The following ZNG1A variants were observed in gnomAD, a reference collection of about 807,000 sequenced individuals.
The protein encoded by ZNG1A is zinc-regulated GTPase metalloprotein activator 1A.
At chr9:135,315 G>T in the ZNG1A span, among the ~76,000 whole-genome samples, 3 of 144,328 alleles carry the variant, frequency 2.1e-5, no homozygotes, top group Non-Finnish European at 4.5e-5. Context: ...GGTTAAATAT[G>T]TCAGTAAATT....
At chr9:168,247 T>TTTTATTTA in the ZNG1A span, among the ~76,000 whole-genome samples, 2 of 141,988 alleles carry the variant, frequency 1.4e-5, no homozygotes, top group African/African-American at 5.6e-5. Flanking sequence ...CAGACTTATT[T>TTTTATTTA]TTTATTTATT....
chr9:158,945 A>C, the ZNG1A span, among the ~76,000 whole-genome samples: 1 of 152,140 alleles, frequency 6.6e-6, no homozygotes, highest in Admixed American at 6.5e-5. Context: ...AAAAAGTATA[A>C]AATCAATGTC....
chr9:169,880 T>TTA, the ZNG1A span, among the ~76,000 whole-genome samples: 1 of 71,330 alleles, frequency 1.4e-5, no homozygotes, highest in African/African-American at 4.8e-5. Context: ...TTTTTTTTTT[T>TTA]AAGAAATGGG....
the ZNG1A span, among the ~76,000 whole-genome samples, chr9:155,295 T>C: frequency 6.7e-6 from 1 of 150,308 alleles, no homozygotes; most frequent in Non-Finnish European, 1.5e-5. Flanking sequence ...TTTTTAAAAC[T>C]ATACTTCAGA....
chr9:127,593 G>C, the ZNG1A span, among the ~76,000 whole-genome samples: 11 of 152,194 alleles, frequency 7.2e-5, no homozygotes, highest in African/African-American at 2.7e-4. Context: ...TGAGACTCTT[G>C]AAGGCAACAG....
chr9:132,247 G>C, the ZNG1A span, among the ~76,000 whole-genome samples: 1 of 149,076 alleles, frequency 6.7e-6, no homozygotes, highest in Non-Finnish European at 1.5e-5. Flanking sequence ...ATTGAGGCCG[G>C]GCACAGTGGC....
the ZNG1A span, among the ~76,000 whole-genome samples, chr9:135,387 C>T: frequency 7.7e-5 from 9 of 116,768 alleles, no homozygotes; most frequent in East Asian, 2.2e-3. Flanking sequence ...TAGTATTGCT[C>T]AGAGTTCCTT....
At chr9:156,682 G>C in the ZNG1A span, among the ~76,000 whole-genome samples, 30 of 151,020 alleles carry the variant, frequency 2.0e-4, no homozygotes, top group Admixed American at 1.8e-3. Flanking sequence ...AACTTTTCTA[G>C]CTAAAAGCAT....
the ZNG1A span, among the ~76,000 whole-genome samples, chr9:126,768 G>C: frequency 6.6e-6 from 1 of 151,546 alleles, no homozygotes; most frequent in South Asian, 2.1e-4. Flanking sequence ...CTAGTTCCTT[G>C]AGGTGTGACC....
At chr9:121,070 A>G in the ZNG1A span, 1 of 177,200 alleles carries the variant, frequency 5.6e-6, no homozygotes, top group East Asian at 1.6e-4. Flanking sequence ...ATTTCATGTC[A>G]TAAAATGGTG....
At chr9:170,335 TTGTG>T in the ZNG1A span, among the ~76,000 whole-genome samples, 3 of 146,566 alleles carry the variant, frequency 2.0e-5, no homozygotes, top group Non-Finnish European at 4.5e-5. Flanking sequence ...ATGTACCTAC[TTGTG>T]TGTGTGTGTG....
At chr9:178,390 C>G in the ZNG1A span, among the ~76,000 whole-genome samples, 2 of 151,048 alleles carry the variant, frequency 1.3e-5, no homozygotes, top group Non-Finnish European at 3.0e-5. Flanking sequence ...GAAAGCCCCA[C>G]GTGTCGGGCA....
chr9:165,200 A>C, the ZNG1A span, among the ~76,000 whole-genome samples: 1 of 152,240 alleles, frequency 6.6e-6, no homozygotes, highest in East Asian at 1.9e-4. Context: ...TTAATTAATG[A>C]GGGGGGAAAT....
At chr9:170,820 GAAGC>G in the ZNG1A span, among the ~76,000 whole-genome samples, 2,321 of 146,606 alleles carry the variant, frequency 0.016, 43 homozygotes, top group African/African-American at 0.056. Context: ...AAGAAAGTTA[GAAGC>G]AAGAAACATT....
the ZNG1A span, among the ~76,000 whole-genome samples, chr9:168,254 T>G: frequency 6.8e-6 from 1 of 147,444 alleles, no homozygotes; most frequent in Admixed American, 6.8e-5. Context: ...ATTTTTTATT[T>G]ATTTATTTAT....
chr9:140,085 G>A, the ZNG1A span, among the ~76,000 whole-genome samples: 1 of 150,804 alleles, frequency 6.6e-6, no homozygotes, highest in Non-Finnish European at 1.5e-5. Context: ...GAGGCTCGGG[G>A]AGGGGCGCTG....
chr9:150,018 GT>G, the ZNG1A span: 1 of 148,830 alleles, frequency 6.7e-6, no homozygotes, highest in Non-Finnish European at 1.5e-5. Flanking sequence ...TTTATTGTCA[GT>G]ACTTGTCAGC....
At chr9:166,774 C>T in the ZNG1A span, 9 of 152,054 alleles carry the variant, frequency 5.9e-5, no homozygotes, top group Non-Finnish European at 7.4e-5. Flanking sequence ...ACAGGACAGA[C>T]ACTGGAGAAA....
the ZNG1A span, among the ~76,000 whole-genome samples, chr9:155,044 A>C: frequency 1.3e-5 from 2 of 152,046 alleles, no homozygotes; most frequent in African/African-American, 4.8e-5. Context: ...ACCCATTCGC[A>C]AAGTATTTAC....
Sources: gnomAD v4.1 joint callset for allele counts (sites outside exome capture counted in the v4.1 genomes callset) on GRCh38, gnomAD v4.1.1 for gene constraint, MANE v1.5 for transcripts, NCBI Gene and HGNC (gene_info 2026-07-23, HGNC 2026-07-21) for gene names.